Variants in PCDH11X observed in about 807,000 individuals in gnomAD.
PCDH11X encodes the protein protocadherin 11 X-linked.
In PCDH11X, 18 loss-of-function variants were observed where a neutral mutation model predicts 53.3. The observed-to-expected ratio is 0.34, with a 90% CI of 0.23 to 0.50. The LOEUF is 0.50. Ranked by LOEUF, PCDH11X falls within the 20% of genes least tolerant of loss-of-function variation. The probability of loss-of-function intolerance (pLI) is 0.98; values close to 1 mark genes in which losing one functional copy is unlikely to be tolerated. For synonymous variants in PCDH11X, 279 were observed against 393.3 expected (o/e 0.71, Z 3.44); for missense variants, 570 against 1,032.4 (o/e 0.55, Z 6.14).
rs371027125 is a variant in PCDH11X at position 92,219,473 on chromosome X, A to G, written c.3114+18018A>G. ...TTGCTTCAAAGAGAATAAAATACCT[A>G]GGAATCCAACTTACAAGGGACGTGA... On this transcript the variant is annotated intron_variant, in intron 7 of 10. Coordinates refer to ENST00000682573, the MANE Select transcript of PCDH11X (RefSeq NM_032968.5). 2.8e-3 allele frequency among the ~76,000 whole-genome samples: 306 copies of G among 110,756 alleles called. 2 individuals are homozygous for G. Among genetic ancestry groups the G allele is most frequent in the East Asian group, 0.017 (59 of 3,501 alleles).
intron 6 of PCDH11X, among the ~76,000 whole-genome samples, chrX:91,887,827 A>G (rs1222769317): frequency 9.0e-6 from 1 of 111,253 alleles, no homozygotes; most frequent in Non-Finnish European, 1.9e-5. Flanking sequence ...GGACAAATTT[A>G]TGTAATAACA....
chrX:92,317,928 A>G (rs1355523012), intron 8 of PCDH11X, among the ~76,000 whole-genome samples: 1 of 111,546 alleles, frequency 9.0e-6, no homozygotes. Context: ...TTTTTATTAA[A>G]TGTTAGTTAT....
chrX:91,806,930 A>G (rs1936126680), intron 1 of PCDH11X, among the ~76,000 whole-genome samples: 1 of 112,060 alleles, frequency 8.9e-6, no homozygotes, highest in Admixed American at 9.5e-5. Context: ...ATGTGGTCTT[A>G]TAGATGTATG....
At chrX:92,359,724 C>T (rs2070300608) in intron 8 of PCDH11X, among the ~76,000 whole-genome samples, 1 of 110,408 alleles carries the variant, frequency 9.1e-6, no homozygotes. Context: ...TACATGGTAA[C>T]TAGATCTTAC....
At chrX:92,287,008 G>A (rs1159229994) in intron 8 of PCDH11X, among the ~76,000 whole-genome samples, 3 of 108,213 alleles carry the variant, frequency 2.8e-5, no homozygotes, top group Non-Finnish European at 5.7e-5. Context: ...GCCATGCAAA[G>A]TTTATATATT....
intron 10 of PCDH11X, among the ~76,000 whole-genome samples, chrX:92,540,316 G>C (rs189669567): frequency 0.017 from 1,814 of 109,244 alleles, 52 homozygotes; most frequent in African/African-American, 0.058. Context: ...CACAGGCAGA[G>C]GAACCCCTCC....
intron 9 of PCDH11X, among the ~76,000 whole-genome samples, chrX:92,419,691 T>C (rs1436713122): frequency 1.3e-5 from 1 of 79,165 alleles, no homozygotes; most frequent in Non-Finnish European, 2.4e-5. Flanking sequence ...TTTTTTTTTT[T>C]TTTTTTTGAG....
chrX:91,841,318 A>T (rs1450619915), intron 5 of PCDH11X, among the ~76,000 whole-genome samples: 2 of 111,727 alleles, frequency 1.8e-5, no homozygotes, highest in East Asian at 5.6e-4. Context: ...AAAATCCCAC[A>T]GTATGGATGG....
At chrX:92,227,797 A>G (rs1053817642) in intron 7 of PCDH11X, among the ~76,000 whole-genome samples, 33 of 111,378 alleles carry the variant, frequency 3.0e-4, no homozygotes, top group African/African-American at 9.8e-4. Flanking sequence ...AATTCTGCAA[A>G]CCATTAAAAT....
chrX:91,981,124 C>A (rs1253432684), intron 6 of PCDH11X, among the ~76,000 whole-genome samples: 1 of 103,682 alleles, frequency 9.6e-6, no homozygotes, highest in African/African-American at 3.5e-5. Context: ...ATATAGTGAG[C>A]AAGACTTGTT....
chrX:92,149,455 C>CTG (rs1231750856), intron 6 of PCDH11X, among the ~76,000 whole-genome samples: 34 of 83,139 alleles, frequency 4.1e-4, no homozygotes, highest in Non-Finnish European at 5.2e-4. Context: ...CTCTCTCTCT[C>CTG]TGTGTGTGTG....
intron 6 of PCDH11X, among the ~76,000 whole-genome samples, chrX:91,903,484 C>T (rs2147787825): frequency 9.0e-6 from 1 of 111,387 alleles, no homozygotes; most frequent in Admixed American, 9.6e-5. Context: ...ATAGTTTACG[C>T]TTCAGAGATA....
chrX:92,074,172 A>G (rs2063742613), intron 6 of PCDH11X, among the ~76,000 whole-genome samples: 1 of 111,583 alleles, frequency 9.0e-6, no homozygotes, highest in Admixed American at 9.6e-5. Context: ...ACAATAAGAA[A>G]TATCTATCTC....
At chrX:92,170,936 C>T (rs1448076340) in intron 6 of PCDH11X, among the ~76,000 whole-genome samples, 2 of 74,203 alleles carry the variant, frequency 2.7e-5, no homozygotes, top group Admixed American at 1.3e-4. Flanking sequence ...GGATTACAGG[C>T]GTGATCCACT....
At position 92,040,560 on chromosome X, in the gene PCDH11X, G is replaced by A. The variant is rs138961434; in HGVS notation, c.3034-160815G>A. On this transcript the variant is annotated intron_variant, in intron 6 of 10. Coordinates refer to ENST00000682573, the MANE Select transcript of PCDH11X (RefSeq NM_032968.5). ...ACAGCCACTGCCAGCGATATGGGAGGGGTGACGTCCATGATACACGACTGT... is the reference window on the plus strand; with the variant it reads ...ACAGCCACTGCCAGCGATATGGGAGAGGTGACGTCCATGATACACGACTGT... 7.7e-3 allele frequency among the ~76,000 whole-genome samples: 856 copies of A among 111,890 alleles called. 10 individuals carry two copies. The highest frequency in any genetic ancestry group is 0.027 in the African/African-American group (820 of 30,804).
chrX:92,025,981 G>A, intron 6 of PCDH11X, among the ~76,000 whole-genome samples: 1 of 111,154 alleles, frequency 9.0e-6, no homozygotes, highest in African/African-American at 3.3e-5. Flanking sequence ...TCACCTGTAA[G>A]TGAGAGCTAA....
chrX:91,939,940 GT>G (rs200788185), intron 6 of PCDH11X, among the ~76,000 whole-genome samples: 8,063 of 110,523 alleles, frequency 0.073, 280 homozygotes, highest in African/African-American at 0.12. Context: ...ATACAAGCTA[GT>G]TTTTGTATCA....
At chrX:92,507,927 C>T (rs2074093624) in intron 10 of PCDH11X, among the ~76,000 whole-genome samples, 1 of 109,869 alleles carries the variant, frequency 9.1e-6, no homozygotes, top group African/African-American at 3.3e-5. Flanking sequence ...ATTCTCCTGC[C>T]TCAGCCTCCC....
At chrX:92,437,300 A>T (rs1459999426) in intron 9 of PCDH11X, among the ~76,000 whole-genome samples, 2 of 111,789 alleles carry the variant, frequency 1.8e-5, no homozygotes, top group Non-Finnish European at 3.8e-5. Context: ...AACTAAAGAT[A>T]ACCAAATAAT....
Sources: gnomAD v4.1 joint callset for allele counts (sites outside exome capture counted in the v4.1 genomes callset) on GRCh38, gnomAD v4.1.1 for gene constraint, MANE v1.5 for transcripts, NCBI Gene and HGNC (gene_info 2026-07-23, HGNC 2026-07-21) for gene names.